PDHX: variants seen among roughly 807,000 people sequenced by gnomAD.
The protein encoded by PDHX is pyruvate dehydrogenase protein X component, mitochondrial.
Under a neutral mutation model 55.3 loss-of-function variants are expected in PDHX, and 33 were observed. The ratio of observed to expected loss-of-function variants is 0.60; its 90% CI spans 0.45 to 0.80. The LOEUF (loss-of-function observed/expected upper bound fraction) is 0.80. Among genes scored for constraint, PDHX ranks in the 30% least tolerant of loss-of-function variants. The pLI, the probability that PDHX is intolerant of heterozygous loss-of-function variation, is 0.00. For missense variants in PDHX, 622 were observed against 619.9 expected, an observed-to-expected ratio of 1.00 and a Z score of -0.04; for synonymous variants, 226 against 219.4, an observed-to-expected ratio of 1.03 and a Z score of -0.27.
At chr11:34,921,917 AC>A (rs1421178982) in intron 1 of PDHX, among the ~76,000 whole-genome samples, 1 of 152,154 alleles carries the variant, frequency 6.6e-6, no homozygotes, top group Non-Finnish European at 1.5e-5. Context: ...CATCATAAAA[AC>A]CCTGCAAAGG....
intron 2 of PDHX, 47 bp downstream of exon 2, chr11:34,931,531 A>ATT (rs763349596): frequency 2.2e-5 from 21 of 972,788 alleles, no homozygotes; most frequent in Non-Finnish European, 2.9e-5. Context: ...TTATTTGGTT[A>ATT]TTTTGTTTTG....
Position 34,960,454 on chromosome 11 carries a change from G to T in PDHX, c.577G>T (p.Glu193Ter). Reference sequence around the variant, plus strand: ...AAGTCCAGCTGCCCGCAATATTCTGGAAAAACACTCACTGGATGCTAGCCA... The same window carrying T: ...AAGTCCAGCTGCCCGCAATATTCTGTAAAAACACTCACTGGATGCTAGCCA... ...RLSPAARNILEKHSLDASQGT... is the reference protein window; with the variant it reads ...RLSPAARNIL Residue 193 changes from glutamate to a stop codon, truncating the protein, a stop_gained, in exon 5 of 11, where the codon GAA becomes TAA. Coordinates refer to ENST00000227868, the MANE Select transcript of PDHX (RefSeq NM_003477.3). LOFTEE classifies it high-confidence loss of function. 1 of 1,613,400 alleles carries T rather than the reference G, an allele frequency of 6.2e-7. No homozygotes were observed. The highest frequency in any genetic ancestry group is 8.5e-7 in the Non-Finnish European group (1 of 1,179,622).
intron 9 of PDHX, among the ~76,000 whole-genome samples, chr11:34,987,921 T>C (rs1291162067): frequency 1.3e-5 from 2 of 152,204 alleles, no homozygotes; most frequent in African/African-American, 4.8e-5. Context: ...TGCTTTAATG[T>C]GGTTATATTT....
intron 9 of PDHX, among the ~76,000 whole-genome samples, chr11:34,988,232 C>T (rs564125287): frequency 3.3e-5 from 5 of 152,222 alleles, no homozygotes; most frequent in South Asian, 2.1e-4. Context: ...TTTAACAACT[C>T]TAACAATAAT....
chr11:34,985,172 G>A (rs560475689), intron 9 of PDHX, among the ~76,000 whole-genome samples: 2 of 152,190 alleles, frequency 1.3e-5, no homozygotes, highest in African/African-American at 2.4e-5. Context: ...GCCAGGCGCG[G>A]TGTCTCACGC....
intron 7 of PDHX, among the ~76,000 whole-genome samples, chr11:34,975,168 C>A (rs1855339600): frequency 7.9e-6 from 1 of 126,476 alleles, no homozygotes; most frequent in East Asian, 2.4e-4. Flanking sequence ...TGTTTTCCAC[C>A]TGTCTGGTTG....
intron 7 of PDHX, 91 bp downstream of exon 7, chr11:34,970,377 T>A (rs1855232368): frequency 3.9e-5 from 40 of 1,034,736 alleles, no homozygotes; most frequent in East Asian, 1.8e-4. Context: ...AAAGCTACAT[T>A]GTGTAGCTTT....
chr11:34,963,901 A>G (rs7936983), intron 5 of PDHX, among the ~76,000 whole-genome samples: 5,455 of 152,312 alleles, frequency 0.036, 120 homozygotes, highest in Middle Eastern at 0.082. Flanking sequence ...TCTGTGTCCT[A>G]AATCATAGTT....
intron 1 of PDHX, among the ~76,000 whole-genome samples, chr11:34,918,289 AG>A (rs1341219552): frequency 6.6e-6 from 1 of 150,944 alleles, no homozygotes; most frequent in Non-Finnish European, 1.5e-5. Flanking sequence ...AAAAAAAAAA[AG>A]AAAGAAAAAA....
At chr11:34,928,869 A>G (rs977060869) in intron 1 of PDHX, among the ~76,000 whole-genome samples, 1 of 152,216 alleles carries the variant, frequency 6.6e-6, no homozygotes. Context: ...TAGACAAAAC[A>G]TTATGGTTGT....
intron 6 of PDHX, 30 bp from the exon 7 acceptor site, chr11:34,970,109 T>C (rs1554989164): frequency 6.2e-7 from 1 of 1,608,496 alleles, no homozygotes; most frequent in Non-Finnish European, 8.5e-7. Context: ...CCACTTGTGG[T>C]TTAACGGACA....
At chr11:34,958,844 C>A (rs1263142315) in intron 4 of PDHX, among the ~76,000 whole-genome samples, 3 of 152,070 alleles carry the variant, frequency 2.0e-5, no homozygotes, top group Admixed American at 2.0e-4. Context: ...ACCTACTGAC[C>A]TGTGAACTCT....
At chr11:34,971,827 T>G (rs191052816) in intron 7 of PDHX, among the ~76,000 whole-genome samples, 1 of 152,266 alleles carries the variant, frequency 6.6e-6, no homozygotes, top group Non-Finnish European at 1.5e-5. Context: ...CTGGAAGAGT[T>G]TGGATACAAT....
chr11:34,926,631 T>C (rs1590729262), intron 1 of PDHX, among the ~76,000 whole-genome samples: 1 of 151,012 alleles, frequency 6.6e-6, no homozygotes, highest in East Asian at 1.9e-4. Context: ...ATAAAGCAGT[T>C]TGTTCTGCAT....
chr11:34,974,899 C>A (rs1855333786), intron 7 of PDHX, among the ~76,000 whole-genome samples: 1 of 152,078 alleles, frequency 6.6e-6, no homozygotes, highest in African/African-American at 2.4e-5. Flanking sequence ...TAGAGCAAGA[C>A]CTGTCTCCAA....
chr11:34,918,276 TAA>T (rs11452994), intron 1 of PDHX, among the ~76,000 whole-genome samples: 2 of 142,282 alleles, frequency 1.4e-5, no homozygotes, highest in African/African-American at 2.6e-5. Context: ...CGTCTCTACT[TAA>T]AAAAAAAAAA....
chr11:34,930,003 A>C (rs568272556), intron 1 of PDHX, among the ~76,000 whole-genome samples: 1 of 152,224 alleles, frequency 6.6e-6, no homozygotes, highest in Non-Finnish European at 1.5e-5. Flanking sequence ...TCTGTTTTAG[A>C]GGGAGACTGT....
Position 34,916,668 on chromosome 11 carries a change from T to C in PDHX, c.13T>C (p.Trp5Arg), listed in dbSNP as rs749796976. The change falls in exon 1 of 11, where the codon TGG (tryptophan) becomes CGG (arginine). Residue 5 changes from tryptophan to arginine, a missense_variant. Physicochemically the swap from Trp to Arg is moderately radical, Grantham distance 101. Coordinates refer to ENST00000227868, the MANE Select transcript of PDHX (RefSeq NM_003477.3). Reference sequence around the variant, plus strand: ...GAAGGCCGTCAAGATGGCGGCCTCCTGGAGGCTGGGCTGTGATCCGCGGCT... The same window carrying C: ...GAAGGCCGTCAAGATGGCGGCCTCCCGGAGGCTGGGCTGTGATCCGCGGCT... Reference protein sequence around the residue: MAASWRLGCDPRLLR... With the variant: MAASRRLGCDPRLLR... 3.7e-6 allele frequency: 6 copies of C among 1,610,224 alleles called. No homozygotes were observed. Among genetic ancestry groups the C allele is most frequent in the Non-Finnish European group, 5.1e-6 (6 of 1,179,974 alleles).
rs767427196 is a variant in PDHX, at chr11:34,957,567, A to G, written c.526A>G (p.Ile176Val). 6.6e-5 allele frequency: 106 copies of G among 1,613,448 alleles called. No individual in the cohort carries two copies. Among genetic ancestry groups the G allele is most frequent in the Admixed American group, 8.3e-5 (5 of 59,996 alleles). ...QISIPVKKEH[I>V]PGTLRFRLSP... Reference sequence around the variant, plus strand: ...TTCCATCCCTGTCAAGAAGGAACACATACCCGGGACACTACGGTGAGTATA... The same window carrying G: ...TTCCATCCCTGTCAAGAAGGAACACGTACCCGGGACACTACGGTGAGTATA... Residue 176 changes from isoleucine (I) to valine (V), a missense_variant, in exon 4 of 11, where the codon ATA becomes GTA. By Grantham distance (29) the Ile-to-Val change is conservative. Coordinates refer to ENST00000227868, the MANE Select transcript of PDHX (RefSeq NM_003477.3).
Sources: gnomAD v4.1 joint callset for allele counts (sites outside exome capture counted in the v4.1 genomes callset) on GRCh38, gnomAD v4.1.1 for gene constraint, MANE v1.5 for transcripts, NCBI Gene and HGNC (gene_info 2026-07-23, HGNC 2026-07-21) for gene names.